EYS: variants seen among roughly 807,000 people sequenced by gnomAD.
EYS encodes protein eyes shut homolog.
EYS carries 250 observed loss-of-function variants against 282.1 expected under a neutral mutation model. The ratio of observed to expected loss-of-function variants is 0.89; its 90% CI spans 0.80 to 0.98. The LOEUF is 0.98. EYS is among the 50% of genes least tolerant of loss of function. The pLI is 0.00. For synonymous variants in EYS, 1,355 were observed against 1,282.9 expected (o/e 1.06, Z -1.20); for missense variants, 4,016 against 3,709.0 (o/e 1.08, Z -2.15).
chr6:64,088,079 T>C (rs539946959), intron 31 of EYS, among the ~76,000 whole-genome samples: 52 of 152,178 alleles, frequency 3.4e-4, no homozygotes, highest in South Asian at 1.4e-3. Context: ...AATAAACATT[T>C]GCTATTGAAT....
chr6:65,330,149 G>A lies in EYS; in HGVS notation c.1766+4831C>T, dbSNP rs375049997. 1.3e-4 allele frequency: 129 copies of A among 980,546 alleles called. No homozygotes were observed. The East Asian group carries it at 7.4e-3, about 56-fold the overall frequency. The allele number at this position is 980,546 out of a possible 1,614,324, so 60.7% of individuals were successfully genotyped here. A position where few individuals can be genotyped will look rare whatever the true frequency, so the allele number is the denominator to read the frequency against. ...TCTAAATGAAACAGAAGAACCATGA[G>A]ATGTGTTCTGAAGAGTGTATAATCT... On this transcript the variant is annotated intron_variant, in intron 11 of 42. Transcript: ENST00000503581.
chr6:65,210,856 T>C (rs1404434754), intron 12 of EYS, among the ~76,000 whole-genome samples: 2 of 151,882 alleles, frequency 1.3e-5, no homozygotes, highest in African/African-American at 2.4e-5. Flanking sequence ...AATTCTTGAT[T>C]ATAATGGCCT....
At chr6:65,092,090 G>T (rs998539125) in intron 12 of EYS, among the ~76,000 whole-genome samples, 1 of 152,058 alleles carries the variant, frequency 6.6e-6, no homozygotes, top group Admixed American at 6.6e-5. Context: ...GACCCAATCT[G>T]TGTAAGAAGA....
chr6:65,254,564 C>G (rs1045214543), intron 12 of EYS, among the ~76,000 whole-genome samples: 2 of 151,804 alleles, frequency 1.3e-5, no homozygotes, highest in Middle Eastern at 3.4e-3. Flanking sequence ...ATGTTAGATT[C>G]CAAAGTTATT....
rs186508292 is a variant in EYS at position 65,010,954 on chromosome 6, C to T, written c.2138-13251G>A. Among the ~76,000 whole-genome samples the T allele has an allele frequency of 1.9e-3, 283 of 152,228 alleles. 2 individuals are homozygous for T. Among genetic ancestry groups the T allele is most frequent in the African/African-American group, 6.7e-3 (277 of 41,552 alleles). On this transcript the variant is annotated intron_variant, in intron 13 of 42. Transcript: ENST00000503581. ...GAAAGGAAAGGAAAATAGAAGAGAACCGCCAAGCGGATATTGAAGCCAAAA... is the reference window on the plus strand; with the variant it reads ...GAAAGGAAAGGAAAATAGAAGAGAATCGCCAAGCGGATATTGAAGCCAAAA...
chr6:65,637,494 T>C (rs1767130277), intron 2 of EYS, among the ~76,000 whole-genome samples: 1 of 152,102 alleles, frequency 6.6e-6, no homozygotes, highest in South Asian at 2.1e-4. Flanking sequence ...CCCAGACCCC[T>C]ACTTAGTTGA....
intron 9 of EYS, among the ~76,000 whole-genome samples, chr6:65,351,216 A>G (rs185585947): frequency 1.3e-5 from 2 of 151,946 alleles, no homozygotes; most frequent in Admixed American, 6.6e-5. Flanking sequence ...TCTGTGCATT[A>G]TCACACTGTT....
At chr6:65,513,153 T>G (rs910967139) in intron 2 of EYS, among the ~76,000 whole-genome samples, 18 of 152,326 alleles carry the variant, frequency 1.2e-4, no homozygotes, top group African/African-American at 4.3e-4. Flanking sequence ...CAGAGAATAC[T>G]ACAAACACCT....
intron 33 of EYS, among the ~76,000 whole-genome samples, chr6:64,031,591 T>C (rs1326167007): frequency 6.6e-6 from 1 of 152,130 alleles, no homozygotes; most frequent in Non-Finnish European, 1.5e-5. Context: ...GGCTCCTGAG[T>C]CTGGTGGGGA....
At chr6:64,836,141 C>T (rs1471147446) in intron 19 of EYS, among the ~76,000 whole-genome samples, 1 of 150,702 alleles carries the variant, frequency 6.6e-6, no homozygotes, top group Non-Finnish European at 1.5e-5. Flanking sequence ...TACATTGGCA[C>T]TTTCTCAATG....
intron 11 of EYS, chr6:65,330,328 G>A: frequency 5.1e-6 from 5 of 977,472 alleles, no homozygotes; most frequent in Non-Finnish European, 6.1e-6. Context: ...AGCAAGTAGG[G>A]ATTGGTGACT....
At chr6:65,700,340 T>C (rs1325571517) in intron 1 of EYS, among the ~76,000 whole-genome samples, 5 of 151,822 alleles carry the variant, frequency 3.3e-5, no homozygotes, top group South Asian at 2.1e-4. Context: ...ATTTTAATGA[T>C]AGATATTAGG....
intron 35 of EYS, among the ~76,000 whole-genome samples, chr6:63,956,523 C>T (rs932928470): frequency 2.6e-5 from 4 of 152,180 alleles, no homozygotes; most frequent in African/African-American, 9.7e-5. Context: ...GTGCATGACA[C>T]TGCTTTTCCA....
At chr6:65,272,500 A>C (rs1204227515) in intron 12 of EYS, among the ~76,000 whole-genome samples, 1 of 152,156 alleles carries the variant, frequency 6.6e-6, no homozygotes, top group Non-Finnish European at 1.5e-5. Context: ...GCCATTCTGC[A>C]TCAATCAGAA....
At chr6:63,870,867 G>A (rs567877550) in intron 35 of EYS, among the ~76,000 whole-genome samples, 1 of 152,278 alleles carries the variant, frequency 6.6e-6, no homozygotes, top group East Asian at 1.9e-4. Flanking sequence ...GTGCACAGTT[G>A]TAAGGGACAA....
intron 12 of EYS, among the ~76,000 whole-genome samples, chr6:65,243,867 C>A (rs1478683044): frequency 2.0e-5 from 3 of 152,152 alleles, no homozygotes; most frequent in Non-Finnish European, 4.4e-5. Context: ...TATGATTGTG[C>A]CACTGAACTC....
chr6:64,777,187 G>C (rs1022859810), intron 22 of EYS, among the ~76,000 whole-genome samples: 1 of 152,162 alleles, frequency 6.6e-6, no homozygotes, highest in African/African-American at 2.4e-5. Context: ...GTGGGGCACA[G>C]CTAAACCATA....
chr6:64,973,703 C>T (rs1035563953), intron 14 of EYS, among the ~76,000 whole-genome samples: 5 of 151,898 alleles, frequency 3.3e-5, no homozygotes, highest in Non-Finnish European at 5.9e-5. Flanking sequence ...CTAAGTCTTT[C>T]CTAAGTCTTA....
intron 2 of EYS, among the ~76,000 whole-genome samples, chr6:65,581,822 C>T (rs941903151): frequency 2.0e-5 from 3 of 151,906 alleles, no homozygotes; most frequent in Non-Finnish European, 4.4e-5. Context: ...TCCATTATAT[C>T]TCTATTATGT....
Sources: gnomAD v4.1 joint callset for allele counts (sites outside exome capture counted in the v4.1 genomes callset) on GRCh38, gnomAD v4.1.1 for gene constraint, MANE v1.5 for transcripts, NCBI Gene and HGNC (gene_info 2026-07-23, HGNC 2026-07-21) for gene names.